MAP4K3: variants seen among roughly 807,000 people sequenced by gnomAD.
The protein encoded by MAP4K3 is mitogen-activated protein kinase kinase kinase kinase 3, also known as MAPK/ERK kinase kinase kinase 3.
In MAP4K3, 94 loss-of-function variants were observed where a neutral mutation model predicts 143.5. That is an observed-to-expected ratio of 0.65 (90% CI 0.55 to 0.78). The LOEUF is 0.78. Ranked by LOEUF, MAP4K3 falls within the 30% of genes least tolerant of loss-of-function variation. The pLI is 0.00. For synonymous variants in MAP4K3, 416 were observed against 347.2 expected (o/e 1.20, Z -2.20); for missense variants, 1,077 against 1,068.1 (o/e 1.01, Z -0.12).
chr2:39,271,021 T>TA, intron 26 of MAP4K3, among the ~76,000 whole-genome samples: 1 of 151,900 alleles, frequency 6.6e-6, no homozygotes, highest in Admixed American at 6.6e-5. Flanking sequence ...GGAGGTGAAA[T>TA]ACCCTTAGAG....
chr2:39,290,522 T>C (rs1681998083), intron 18 of MAP4K3, among the ~76,000 whole-genome samples, 188 bp from the exon 19 acceptor site: 1 of 152,140 alleles, frequency 6.6e-6, no homozygotes, highest in South Asian at 2.1e-4. Context: ...AACTGGGAAC[T>C]GGAGGACATT....
intron 15 of MAP4K3, among the ~76,000 whole-genome samples, chr2:39,301,991 T>G (rs1053188692): frequency 6.6e-6 from 1 of 150,646 alleles, no homozygotes; most frequent in Non-Finnish European, 1.5e-5. Flanking sequence ...GCCACTACAC[T>G]CCAGCTTGGC....
intron 1 of MAP4K3, among the ~76,000 whole-genome samples, chr2:39,393,425 A>G (rs1199567537): frequency 6.6e-6 from 1 of 152,224 alleles, no homozygotes; most frequent in Non-Finnish European, 1.5e-5. Context: ...CAGTCATAAA[A>G]CTTAGAACCT....
chr2:39,419,802 T>C (rs547769595), intron 1 of MAP4K3, among the ~76,000 whole-genome samples: 3 of 152,334 alleles, frequency 2.0e-5, no homozygotes, highest in African/African-American at 7.2e-5. Context: ...AAACTAAACA[T>C]AACTGTGTGT....
intron 1 of MAP4K3, among the ~76,000 whole-genome samples, chr2:39,396,102 T>C (rs1035577530): frequency 6.6e-6 from 1 of 152,216 alleles, no homozygotes; most frequent in Non-Finnish European, 1.5e-5. Context: ...AGTGGCATCA[T>C]CATAGCTCAC....
At chr2:39,391,973 G>C (rs1310474842) in intron 1 of MAP4K3, among the ~76,000 whole-genome samples, 3 of 152,030 alleles carry the variant, frequency 2.0e-5, no homozygotes, top group South Asian at 2.1e-4. Context: ...ACGAGGTCAA[G>C]AGATGGAGAC....
intron 1 of MAP4K3, among the ~76,000 whole-genome samples, chr2:39,414,318 G>A (rs972433625): frequency 3.3e-5 from 5 of 152,128 alleles, no homozygotes; most frequent in Non-Finnish European, 7.4e-5. Flanking sequence ...CTAGTTAGTA[G>A]GTGGAATTTT....
intron 1 of MAP4K3, among the ~76,000 whole-genome samples, chr2:39,409,027 T>C (rs1168939153): frequency 2.0e-5 from 3 of 152,212 alleles, no homozygotes; most frequent in Non-Finnish European, 4.4e-5. Flanking sequence ...AGTTATACTG[T>C]GCCTGCCTCT....
intron 2 of MAP4K3, 48 bp downstream of exon 2, chr2:39,378,018 T>A: frequency 9.4e-7 from 1 of 1,063,206 alleles, no homozygotes; most frequent in Non-Finnish European, 1.4e-6. Context: ...CCTTAAGATA[T>A]CCCATGGCTT....
rs1316098453 is a variant in MAP4K3 at position 39,292,855 on chromosome 2, T to C, written c.1218-29A>G. On this transcript the variant is annotated intron_variant, in intron 17 of 33. Coordinates refer to ENST00000263881, the MANE Select transcript of MAP4K3 (RefSeq NM_003618.4). ...AATAAAAAGGATAATGTCATTGTTA[T>C]TAAATGGATTTTACCAAAACAGTAA... 6.3e-6 allele frequency: 10 copies of C among 1,579,164 alleles called. No homozygotes were observed. In the Admixed American group the frequency reaches 1.4e-4, roughly 21 times the overall value.
intron 3 of MAP4K3, 46 bp from the exon 4 acceptor site, chr2:39,343,498 T>A (rs754941609): frequency 1.3e-6 from 2 of 1,495,470 alleles, no homozygotes; most frequent in Admixed American, 3.4e-5. Flanking sequence ...TGATTAAAAC[T>A]GTCTGTGTGA....
chr2:39,348,338 G>A (rs1426638003), intron 3 of MAP4K3, among the ~76,000 whole-genome samples: 1 of 151,304 alleles, frequency 6.6e-6, no homozygotes, highest in African/African-American at 2.4e-5. Context: ...CCAGCTTATA[G>A]GCAGAAAAAA....
intron 1 of MAP4K3, among the ~76,000 whole-genome samples, chr2:39,381,249 C>G (rs1666349466): frequency 6.6e-6 from 1 of 152,206 alleles, no homozygotes. Context: ...TCAGTGTACA[C>G]ATTTTTGTGT....
intron 13 of MAP4K3, among the ~76,000 whole-genome samples, chr2:39,313,863 G>A (rs372610247): frequency 3.3e-5 from 5 of 152,124 alleles, no homozygotes; most frequent in East Asian, 1.9e-4. Flanking sequence ...CTTAGAAGTT[G>A]AGAATCACTG....
At chr2:39,374,347 G>A (rs1666161697) in intron 2 of MAP4K3, among the ~76,000 whole-genome samples, 2 of 151,976 alleles carry the variant, frequency 1.3e-5, no homozygotes, top group Non-Finnish European at 2.9e-5. Flanking sequence ...GTGACAGAGC[G>A]AGACTCTATC....
intron 23 of MAP4K3, among the ~76,000 whole-genome samples, chr2:39,279,820 G>A (rs987721318): frequency 6.6e-6 from 1 of 152,130 alleles, no homozygotes; most frequent in Admixed American, 6.5e-5. Context: ...AGGAATGGTG[G>A]CATGTGCCTC....
chr2:39,316,295 A>G (rs894388508), intron 12 of MAP4K3, among the ~76,000 whole-genome samples: 11 of 151,484 alleles, frequency 7.3e-5, no homozygotes, highest in Non-Finnish European at 1.5e-5. Context: ...CCAACATAAG[A>G]AAAAGAAAAA....
At chr2:39,404,163 G>A (rs1445170867) in intron 1 of MAP4K3, among the ~76,000 whole-genome samples, 1 of 152,078 alleles carries the variant, frequency 6.6e-6, no homozygotes, top group Non-Finnish European at 1.5e-5. Flanking sequence ...AGTTGTGGTA[G>A]CTACAGTGAA....
intron 16 of MAP4K3, among the ~76,000 whole-genome samples, chr2:39,298,002 A>AT (rs60216178): frequency 2.3e-4 from 34 of 149,568 alleles, no homozygotes; most frequent in African/African-American, 4.4e-4. Context: ...GAGGGGCTAC[A>AT]TTTTTTTTTT....
Sources: gnomAD v4.1 joint callset for allele counts (sites outside exome capture counted in the v4.1 genomes callset) on GRCh38, gnomAD v4.1.1 for gene constraint, MANE v1.5 for transcripts, NCBI Gene and HGNC (gene_info 2026-07-23, HGNC 2026-07-21) for gene names.